Variants in DTD1 observed in about 807,000 individuals in gnomAD.
The protein encoded by DTD1 is D-tyrosyl-tRNA deacylase 1 homolog.
In DTD1, 13 loss-of-function variants were observed where a neutral mutation model predicts 25.6. The ratio of observed to expected loss-of-function variants is 0.51; its 90% confidence interval spans 0.33 to 0.81. DTD1 has a LOEUF of 0.81. Among genes scored for constraint, DTD1 ranks in the 30% least tolerant of loss-of-function variants. DTD1 has a pLI of 0.02. For missense variants in DTD1, 193 were observed against 266.4 expected (o/e 0.72, Z 1.92); for synonymous variants, 110 against 103.6 (o/e 1.06, Z -0.37).
chr20:18,732,792 T>G (rs1408843472), intron 4 of DTD1, among the ~76,000 whole-genome samples: 2 of 152,248 alleles, frequency 1.3e-5, no homozygotes, highest in Non-Finnish European at 2.9e-5. Context: ...GTGACAAGAT[T>G]ATACTCAAAC....
At chr20:18,660,440 C>T (rs964583923) in intron 4 of DTD1, among the ~76,000 whole-genome samples, 2 of 152,120 alleles carry the variant, frequency 1.3e-5, no homozygotes, top group Non-Finnish European at 1.5e-5. Context: ...AGGCTGGTCT[C>T]GAACTCCTGA....
At chr20:18,685,860 C>T (rs563435896) in intron 4 of DTD1, among the ~76,000 whole-genome samples, 1 of 152,322 alleles carries the variant, frequency 6.6e-6, no homozygotes, top group African/African-American at 2.4e-5. Context: ...ATAAGTTCCC[C>T]TCTTCCTTCT....
intron 4 of DTD1, among the ~76,000 whole-genome samples, chr20:18,672,348 T>G (rs1343953520): frequency 6.6e-6 from 1 of 152,212 alleles, no homozygotes; most frequent in Non-Finnish European, 1.5e-5. Flanking sequence ...GCAACCTCAG[T>G]ACCTTTGTAA....
intron 3 of DTD1, among the ~76,000 whole-genome samples, chr20:18,621,803 G>A (rs762433593): frequency 2.6e-5 from 4 of 152,022 alleles, no homozygotes; most frequent in South Asian, 2.1e-4. Context: ...GGTGGCTCAC[G>A]CCTGTAATCC....
intron 4 of DTD1, among the ~76,000 whole-genome samples, chr20:18,664,424 C>A (rs891753454): frequency 6.6e-6 from 1 of 152,202 alleles, no homozygotes; most frequent in Non-Finnish European, 1.5e-5. Flanking sequence ...TGCCTTCATG[C>A]CCCTTGTGTT....
At chr20:18,612,003 C>T (rs2060688410) in intron 3 of DTD1, among the ~76,000 whole-genome samples, 1 of 150,994 alleles carries the variant, frequency 6.6e-6, no homozygotes, top group Non-Finnish European at 1.5e-5. Context: ...TACAGGCGCC[C>T]ACGACCGTGC....
intron 5 of DTD1, among the ~76,000 whole-genome samples, chr20:18,753,055 C>A (rs1016848408): frequency 1.3e-5 from 2 of 152,140 alleles, no homozygotes; most frequent in Non-Finnish European, 2.9e-5. Context: ...AGGTGCAGAG[C>A]CAGGCTTACA....
chr20:18,636,905 C>T (rs1020280167), intron 4 of DTD1, among the ~76,000 whole-genome samples: 1 of 152,134 alleles, frequency 6.6e-6, no homozygotes, highest in African/African-American at 2.4e-5. Context: ...CATCAAGCCA[C>T]CCATGGTGCT....
rs1023791499 is a variant in DTD1 at position 18,631,962 on chromosome 20, T to G, written c.477+3729T>G. On this transcript the variant is annotated intron_variant, in intron 4 of 5. Coordinates refer to ENST00000377452, the MANE Select transcript of DTD1 (RefSeq NM_080820.6). Reference sequence around the variant, plus strand: ...TGCAGTTATTTTGGGTGAGTAAGTCTCAAGATCTAATGTACACCATAAGGA... The same window carrying G: ...TGCAGTTATTTTGGGTGAGTAAGTCGCAAGATCTAATGTACACCATAAGGA... The G allele has an allele frequency of 3.2e-6, 3 of 934,704 alleles. No homozygotes were observed. In the East Asian group the frequency reaches 3.5e-4, roughly 109 times the overall value. 57.9% of individuals were successfully genotyped at this position (934,704 alleles called of 1,614,324 possible).
intron 3 of DTD1, among the ~76,000 whole-genome samples, chr20:18,620,393 C>A (rs1191677505): frequency 1.3e-5 from 2 of 152,188 alleles, no homozygotes; most frequent in Non-Finnish European, 2.9e-5. Context: ...ACTTCCTAAC[C>A]CCAACCTATG....
chr20:18,749,502 A>G lies in DTD1; in HGVS notation c.*19+5231A>G, dbSNP rs2061313782. ...TTAGGAGGTTGGGGGTCATGGCCTC[A>G]GCTCTTCATAGCACTGACAGTCCCT... On this transcript the variant is annotated intron_variant, in intron 5 of 5. Transcript: ENST00000377452. This position sits in a 1 kb window ranked among gnomAD's most constrained non-coding sequence, Gnocchi z 4.2. 6.6e-6 allele frequency among the ~76,000 whole-genome samples: 1 copy of G among 152,148 alleles called. No individual in the cohort carries two copies. The highest frequency in any genetic ancestry group is 1.5e-5 in the Non-Finnish European group (1 of 68,004).
At chr20:18,629,282 C>G (rs190637826) in intron 4 of DTD1, among the ~76,000 whole-genome samples, 2 of 146,816 alleles carry the variant, frequency 1.4e-5, no homozygotes, top group African/African-American at 2.5e-5. Context: ...AGGTGTAATC[C>G]CACTGTGCTC....
intron 4 of DTD1, among the ~76,000 whole-genome samples, chr20:18,683,388 T>G (rs966385217): frequency 6.6e-6 from 1 of 152,210 alleles, no homozygotes; most frequent in Admixed American, 6.5e-5. Context: ...TCTAAGACAT[T>G]ATGGGTATTT....
intron 4 of DTD1, among the ~76,000 whole-genome samples, chr20:18,725,671 G>A (rs2061220404): frequency 6.6e-6 from 1 of 152,078 alleles, no homozygotes. Context: ...GTGTTCCTGG[G>A]CTGGGCTCAG....
chr20:18,669,176 G>A (rs2060942962), intron 4 of DTD1, among the ~76,000 whole-genome samples: 1 of 152,182 alleles, frequency 6.6e-6, no homozygotes, highest in Admixed American at 6.5e-5. Context: ...AGTGAGGTGA[G>A]TAGGAGTGTG....
chr20:18,738,298 C>A (rs987451696), intron 4 of DTD1, among the ~76,000 whole-genome samples: 2 of 152,190 alleles, frequency 1.3e-5, no homozygotes, highest in Non-Finnish European at 2.9e-5. Context: ...AGTCACATGA[C>A]CTTGCTGGGC....
intron 2 of DTD1, among the ~76,000 whole-genome samples, chr20:18,595,448 G>T (rs535883256): frequency 6.6e-6 from 1 of 152,032 alleles, no homozygotes; most frequent in South Asian, 2.1e-4. Flanking sequence ...TGTAGTTTTA[G>T]TAGTAGAGAT....
intron 4 of DTD1, chr20:18,632,204 T>C (rs2060791253): frequency 2.0e-6 from 2 of 985,346 alleles, no homozygotes; most frequent in South Asian, 9.4e-5. Context: ...TTTTTAAACT[T>C]CTAACGAGCC....
At chr20:18,760,463 C>T (rs908286913) in intron 5 of DTD1, among the ~76,000 whole-genome samples, 3 of 152,298 alleles carry the variant, frequency 2.0e-5, no homozygotes, top group African/African-American at 7.2e-5. Context: ...AGTCAGGACC[C>T]TCAGCTGCAG....
Sources: allele counts gnomAD v4.1 joint callset (sites outside exome capture counted in the v4.1 genomes callset), GRCh38; gene constraint gnomAD v4.1.1; non-coding constraint Gnocchi (gnomAD v3.1); transcripts MANE v1.5; gene names NCBI Gene and HGNC (gene_info 2026-07-23, HGNC 2026-07-21).